The following CTXND1 variants were observed in gnomAD, a reference collection of about 807,000 sequenced individuals.
CTXND1 encodes cortexin domain-containing 1 protein.
At chr15:80,249,962 T>C (rs895541398) in intron 1 of CTXND1, among the ~76,000 whole-genome samples, 1 of 152,214 alleles carries the variant, frequency 6.6e-6, no homozygotes, top group Non-Finnish European at 1.5e-5. Flanking sequence ...CAGAACTTAT[T>C]AGGAGCATTA....
At chr15:80,226,292 A>G (rs1415990037) in intron 1 of CTXND1, among the ~76,000 whole-genome samples, 1 of 152,206 alleles carries the variant, frequency 6.6e-6, no homozygotes, top group Non-Finnish European at 1.5e-5. Flanking sequence ...CAACCTGCCT[A>G]AATCTGCTGC....
At chr15:80,227,901 A>C (rs545380314) in intron 1 of CTXND1, among the ~76,000 whole-genome samples, 87 of 152,346 alleles carry the variant, frequency 5.7e-4, no homozygotes, top group Non-Finnish European at 1.1e-3. Context: ...CTCTTATGAA[A>C]GATTTCTTGC....
intron 1 of CTXND1, among the ~76,000 whole-genome samples, chr15:80,242,780 A>G (rs897516151): frequency 6.6e-6 from 1 of 152,134 alleles, no homozygotes; most frequent in Non-Finnish European, 1.5e-5. Flanking sequence ...GGTGGAGCTG[A>G]GCTGCCAGAG....
intron 1 of CTXND1, among the ~76,000 whole-genome samples, chr15:80,209,838 C>A (rs1893187463): frequency 6.6e-6 from 1 of 152,208 alleles, no homozygotes; most frequent in Admixed American, 6.5e-5. Context: ...TAATCTCACC[C>A]CGTTCTCTGT....
intron 1 of CTXND1, among the ~76,000 whole-genome samples, chr15:80,251,546 T>G (rs1239240641): frequency 6.6e-6 from 1 of 152,114 alleles, no homozygotes; most frequent in African/African-American, 2.4e-5. Context: ...GAGAAGGACT[T>G]TCTAACTTTG....
intron 1 of CTXND1, among the ~76,000 whole-genome samples, chr15:80,212,854 A>G (rs148101058): frequency 0.01 from 1,557 of 152,308 alleles, 7 homozygotes; most frequent in Non-Finnish European, 0.016. Context: ...TAACCAGCTA[A>G]AAATATGTGC....
chr15:80,197,190 G>A lies in CTXND1; in HGVS notation c.*4580C>T, dbSNP rs1262541484. 1 of 152,152 alleles carries A rather than the reference G, an allele frequency of 6.6e-6. No homozygotes were observed. The highest frequency in any genetic ancestry group is 1.5e-5 in the Non-Finnish European group (1 of 68,054). 9.4% of individuals were successfully genotyped at this position (152,152 alleles called of 1,614,324 possible). A position where few individuals can be genotyped will look rare whatever the true frequency, so the allele number is the denominator to read the frequency against. On this transcript the variant is annotated 3_prime_UTR_variant, in exon 3 of 3. Transcript: ENST00000560778. The stretch of plus-strand genomic sequence containing the variant: ...TCCCACCTCAGACTCCTGAGTAGCT[G>A]GGACTATAGGTGTGCAACACCACAG...
intron 1 of CTXND1, among the ~76,000 whole-genome samples, chr15:80,242,472 G>A (rs1334395025): frequency 3.3e-5 from 5 of 152,206 alleles, no homozygotes; most frequent in African/African-American, 1.2e-4. Context: ...CTAGATTGGG[G>A]TATCACAGGG....
At chr15:80,229,887 G>T (rs970409458) in intron 1 of CTXND1, among the ~76,000 whole-genome samples, 30 of 152,146 alleles carry the variant, frequency 2.0e-4, no homozygotes, top group African/African-American at 6.5e-4. Flanking sequence ...ATCTATCCAG[G>T]TTGGAAAATG....
chr15:80,237,368 G>C (rs890369101), intron 1 of CTXND1, among the ~76,000 whole-genome samples: 1 of 145,390 alleles, frequency 6.9e-6, no homozygotes, highest in Non-Finnish European at 1.5e-5. Context: ...GAAAGAAAAA[G>C]AAAACAGTGA....
intron 1 of CTXND1, among the ~76,000 whole-genome samples, chr15:80,244,102 A>C (rs1893601678): frequency 6.6e-6 from 1 of 152,176 alleles, no homozygotes; most frequent in East Asian, 1.9e-4. Flanking sequence ...CTCACCAAGG[A>C]GGTGGGAAAT....
intron 1 of CTXND1, among the ~76,000 whole-genome samples, chr15:80,234,191 C>A (rs948244668): frequency 1.3e-5 from 2 of 152,188 alleles, no homozygotes; most frequent in African/African-American, 4.8e-5. Flanking sequence ...AATGCATCTA[C>A]AAACTTATTG....
At chr15:80,218,430 C>T (rs1893277014) in intron 1 of CTXND1, among the ~76,000 whole-genome samples, 1 of 152,166 alleles carries the variant, frequency 6.6e-6, no homozygotes, top group Non-Finnish European at 1.5e-5. Context: ...TGAGCCACCG[C>T]TCCTGGCCTA....
rs966080440 is a variant in CTXND1, at chr15:80,201,912, A to G, written c.38T>C (p.Val13Ala). The change falls in exon 3 of 3, where the codon GTA becomes GCA. Residue 13 changes from valine (V) to alanine (A), a missense_variant. Coordinates refer to ENST00000560778, the MANE Select transcript of CTXND1 (RefSeq NM_001352888.2). ...GCAGGCCAAGGTCAGCCCTTTGTCT[A>G]CGTCGACATAGACGGGCTCGGGCGT... Reference protein sequence around the residue: ...EPTPEPVYVDVDKGLTLACFV... With the variant: ...EPTPEPVYVDADKGLTLACFV... 6 of 398,698 alleles carry G rather than the reference A, an allele frequency of 1.5e-5. No individual in the cohort carries two copies. Among genetic ancestry groups the G allele is most frequent in the Non-Finnish European group, 2.7e-5 (6 of 226,190 alleles). 24.7% of individuals were successfully genotyped at this position (398,698 alleles called of 1,614,324 possible).
At chr15:80,232,958 T>G (rs1254318480) in intron 1 of CTXND1, among the ~76,000 whole-genome samples, 4 of 151,146 alleles carry the variant, frequency 2.6e-5, no homozygotes, top group African/African-American at 9.7e-5. Flanking sequence ...TTTTTTTTTT[T>G]TTGAGACTGA....
chr15:80,226,587 A>G (rs1020674737), intron 1 of CTXND1, among the ~76,000 whole-genome samples: 19 of 152,134 alleles, frequency 1.2e-4, no homozygotes, highest in Non-Finnish European at 1.8e-4. Context: ...ACACTGTCAA[A>G]TTGAATTCTC....
At chr15:80,246,756 G>C (rs538945457) in intron 1 of CTXND1, among the ~76,000 whole-genome samples, 1 of 152,346 alleles carries the variant, frequency 6.6e-6, no homozygotes, top group African/African-American at 2.4e-5. Flanking sequence ...CTCTCATAGA[G>C]TTTGTTTAAA....
At position 80,199,898 on chromosome 15, in the gene CTXND1, G is replaced by C. The variant is rs2041439989; in HGVS notation, c.*1872C>G. 1 of 152,334 alleles carries C rather than the reference G, an allele frequency of 6.6e-6. No homozygotes were observed. Among genetic ancestry groups the C allele is most frequent in the African/African-American group, 2.4e-5 (1 of 41,462 alleles). The allele number at this position is 152,334 out of a possible 1,614,324, so 9.4% of individuals were successfully genotyped here. A position where few individuals can be genotyped will look rare whatever the true frequency, so the allele number is the denominator to read the frequency against. ...AGTCTTGAGCTTCTTCACAGCTGCA[G>C]GTCTCTTGGATGGGGATGGAAGGCC... On this transcript the variant is annotated 3_prime_UTR_variant, in exon 3 of 3. Transcript: ENST00000560778.
At chr15:80,215,119 A>G (rs1292610613) in intron 1 of CTXND1, among the ~76,000 whole-genome samples, 5 of 152,202 alleles carry the variant, frequency 3.3e-5, no homozygotes, top group African/African-American at 1.2e-4. Flanking sequence ...GTGTCTGTCA[A>G]GAGTGTTTAC....
Sources: gnomAD v4.1 joint callset for allele counts (sites outside exome capture counted in the v4.1 genomes callset) on GRCh38, gnomAD v4.1.1 for gene constraint, MANE v1.5 for transcripts, NCBI Gene and HGNC (gene_info 2026-07-23, HGNC 2026-07-21) for gene names.